FBXL13: variants seen among roughly 807,000 people sequenced by gnomAD.
FBXL13 encodes the protein F-box and leucine rich repeat protein 13.
Under a neutral mutation model 83.6 loss-of-function variants are expected in FBXL13, and 67 were observed. The observed-to-expected ratio is 0.80, with a 90% CI of 0.66 to 0.98. The LOEUF (loss-of-function observed/expected upper bound fraction) is 0.98, where lower values mean the gene tolerates loss of function less well. Among genes scored for constraint, FBXL13 ranks in the 50% least tolerant of loss-of-function variants. The pLI, the probability that FBXL13 is intolerant of heterozygous loss-of-function variation, is 0.00. For missense variants in FBXL13, 822 were observed against 866.5 expected (o/e 0.95, Z 0.64); for synonymous variants, 272 against 299.5 (o/e 0.91, Z 0.95).
In FBXL13 at chr7:103,050,659, T is replaced by C. The variant is rs1177562649; in HGVS notation, c.-1+4985A>G. 4.6e-5 allele frequency among the ~76,000 whole-genome samples: 7 copies of C among 151,984 alleles called. No individual in the cohort carries two copies. In the South Asian group the frequency reaches 8.3e-4, roughly 18 times the overall value. Reference sequence around the variant, plus strand: ...ATTGCCTGTGGCAAGGTGGGGAAGGTGAAGAGCTCAGGGAGGCCAGAGCAA... The same window carrying C: ...ATTGCCTGTGGCAAGGTGGGGAAGGCGAAGAGCTCAGGGAGGCCAGAGCAA... On this transcript the variant is annotated intron_variant, in intron 2 of 19. Coordinates refer to ENST00000313221, the Ensembl canonical transcript of FBXL13.
chr7:102,973,498 A>G (rs1827000746), intron 6 of FBXL13: 1 of 762,894 alleles, frequency 1.3e-6, no homozygotes, highest in East Asian at 2.4e-5. Context: ...TGCTGACGCC[A>G]TTTTAGGCCT....
chr7:102,918,687 G>A (rs912016113), intron 10 of FBXL13, among the ~76,000 whole-genome samples: 1 of 152,060 alleles, frequency 6.6e-6, no homozygotes, highest in Admixed American at 6.5e-5. Context: ...ATGTGCCCAG[G>A]AGTTTGAGGC....
intron 6 of FBXL13, among the ~76,000 whole-genome samples, chr7:102,984,903 T>C (rs1174292129): frequency 6.6e-6 from 1 of 152,218 alleles, no homozygotes; most frequent in East Asian, 1.9e-4. Flanking sequence ...TTTTGTATTA[T>C]TATATGCCAC....
At chr7:102,852,919 C>T (rs1258687101) in intron 17 of FBXL13, among the ~76,000 whole-genome samples, 3 of 152,114 alleles carry the variant, frequency 2.0e-5, no homozygotes, top group African/African-American at 7.2e-5. Context: ...TTCGCAATTG[C>T]AAAATCGGGG....
In FBXL13 at chr7:102,993,361, T is replaced by C. The variant is rs546099749; in HGVS notation, c.496-25244A>G. Among the ~76,000 whole-genome samples the C allele has an allele frequency of 1.5e-3, 226 of 152,320 alleles. 2 individuals carry two copies. Among genetic ancestry groups the C allele is most frequent in the African/African-American group, 5.1e-3 (214 of 41,574 alleles). On this transcript the variant is annotated intron_variant, in intron 6 of 19. Coordinates refer to ENST00000313221, the Ensembl canonical transcript of FBXL13. Reference sequence around the variant, plus strand: ...CTTCCCCAAGTGAGAAAATGAGTCATCAACACAGTAAAATCTGAAGGTGAT... The same window carrying C: ...CTTCCCCAAGTGAGAAAATGAGTCACCAACACAGTAAAATCTGAAGGTGAT...
intron 11 of FBXL13, among the ~76,000 whole-genome samples, chr7:102,890,091 C>T (rs912665176): frequency 2.6e-5 from 4 of 152,114 alleles, no homozygotes; most frequent in African/African-American, 9.7e-5. Flanking sequence ...ATTAGAATAT[C>T]CAAAAAGATA....
chr7:102,893,023 G>T (rs1393913285), intron 11 of FBXL13, among the ~76,000 whole-genome samples: 1 of 152,124 alleles, frequency 6.6e-6, no homozygotes, highest in East Asian at 1.9e-4. Flanking sequence ...TCACAGTTTT[G>T]AATTTAACTG....
intron 1 of FBXL13, among the ~76,000 whole-genome samples, chr7:103,070,412 A>G (rs1798835158): frequency 6.6e-6 from 1 of 152,016 alleles, no homozygotes; most frequent in Admixed American, 6.6e-5. Context: ...TATTTTTAGT[A>G]GAGACAGGGT....
chr7:102,859,204 T>C (rs1806461530), intron 16 of FBXL13, among the ~76,000 whole-genome samples: 2 of 152,162 alleles, frequency 1.3e-5, no homozygotes. Flanking sequence ...ACCCTGCTCA[T>C]GTGTTAGACA....
intron 1 of FBXL13, among the ~76,000 whole-genome samples, chr7:103,072,074 T>G (rs1006798256): frequency 1.3e-5 from 2 of 151,984 alleles, no homozygotes; most frequent in African/African-American, 2.4e-5. Context: ...TCCCAGCTAT[T>G]TGGGAGGCTG....
chr7:102,956,993 C>G (rs1824374026), intron 8 of FBXL13, among the ~76,000 whole-genome samples: 1 of 152,192 alleles, frequency 6.6e-6, no homozygotes, highest in Non-Finnish European at 1.5e-5. Flanking sequence ...CCATCCCCAT[C>G]AAGCTACCAA....
chr7:102,944,184 G>A (rs1167067328), intron 8 of FBXL13: 3 of 1,571,914 alleles, frequency 1.9e-6, no homozygotes, highest in Non-Finnish European at 2.6e-6. Context: ...AATTACTCAG[G>A]CTCAATAAAT....
intron 10 of FBXL13, among the ~76,000 whole-genome samples, chr7:102,914,098 G>A (rs1815324452): frequency 6.6e-6 from 1 of 152,274 alleles, no homozygotes; most frequent in Admixed American, 6.5e-5. Context: ...TTTCGCTCTT[G>A]TTGCCCAGCT....
At chr7:102,883,415 T>G (rs757920807) in exon 14 of FBXL13, 1 of 1,613,702 alleles carries the variant, frequency 6.2e-7, no homozygotes, top group East Asian at 2.2e-5. Flanking sequence ...GACTGAGATT[T>G]GGATAATTCT....
chr7:103,042,813 A>C (rs1365829114), intron 2 of FBXL13, among the ~76,000 whole-genome samples: 1 of 152,224 alleles, frequency 6.6e-6, no homozygotes, highest in African/African-American at 2.4e-5. Flanking sequence ...ATATACAAAA[A>C]TTAACTCAAG....
At chr7:102,944,943 A>T (rs1273194944) in intron 8 of FBXL13, 1 of 188,864 alleles carries the variant, frequency 5.3e-6, no homozygotes, top group Non-Finnish European at 1.1e-5. Flanking sequence ...AACTTGGTTC[A>T]TGTTTACATG....
At chr7:102,951,534 G>A (rs1345086011) in intron 8 of FBXL13, among the ~76,000 whole-genome samples, 1 of 151,312 alleles carries the variant, frequency 6.6e-6, no homozygotes, top group African/African-American at 2.4e-5. Flanking sequence ...TGGGCTAGGT[G>A]CAGTGGCTCA....
intron 17 of FBXL13, 139 bp from the exon 19 acceptor site, chr7:102,833,113 A>G: frequency 1.2e-6 from 1 of 869,000 alleles, no homozygotes; most frequent in Non-Finnish European, 1.7e-6. Flanking sequence ...AATAATTTAA[A>G]AAACCCATGT....
At chr7:102,942,436 A>G in intron 8 of FBXL13, 3 of 1,145,912 alleles carry the variant, frequency 2.6e-6, no homozygotes, top group Non-Finnish European at 3.6e-6. Context: ...AAAGAGAAAG[A>G]AGATACCCTA....
Sources: gnomAD v4.1 joint callset for allele counts (sites outside exome capture counted in the v4.1 genomes callset) on GRCh38, gnomAD v4.1.1 for gene constraint, MANE v1.5 for transcripts, NCBI Gene and HGNC (gene_info 2026-07-23, HGNC 2026-07-21) for gene names.